Variants in SLC6A15 observed in about 807,000 individuals in gnomAD.
The protein encoded by SLC6A15 is sodium-dependent neutral amino acid transporter B(0)AT2.
A neutral mutation model predicts 68.5 loss-of-function variants in SLC6A15; 33 were observed. That is an observed-to-expected ratio of 0.48 (90% confidence interval 0.37 to 0.64). The LOEUF (loss-of-function observed/expected upper bound fraction) is 0.64, where lower values mean the gene tolerates loss of function less well. SLC6A15 is among the 30% of genes least tolerant of loss of function. SLC6A15 has a pLI of 0.00. For missense variants in SLC6A15, 747 were observed against 874.3 expected (o/e 0.85, Z 1.84); for synonymous variants, 347 against 301.0 (o/e 1.15, Z -1.58).
At chr12:84,906,456 C>CA (rs1383591768) in intron 1 of SLC6A15, among the ~76,000 whole-genome samples, 1 of 151,900 alleles carries the variant, frequency 6.6e-6, no homozygotes, top group Non-Finnish European at 1.5e-5. Context: ...TATGAACAGG[C>CA]AAAAAATTAG....
At position 84,863,535 on chromosome 12, in the gene SLC6A15, T is replaced by C; in HGVS notation, c.1722A>G (p.Lys574=). The change falls in exon 11 of 12, where the codon AAA becomes AAG. Residue 574 remains lysine (K), a synonymous_variant. Transcript: ENST00000266682. ...ATAATAGCATTAGAGGAGAAATATA[T>C]TTCCACATATAGTAGTAATATCTGC... ...APSRYYYYMW[K]YISPLMLLSL... The C allele has an allele frequency of 6.3e-7, 1 of 1,596,548 alleles. No individual in the cohort carries two copies. The highest frequency in any genetic ancestry group is 8.5e-7 in the Non-Finnish European group (1 of 1,173,760).
intron 1 of SLC6A15, among the ~76,000 whole-genome samples, chr12:84,902,031 T>C (rs560057423): frequency 2.6e-5 from 4 of 151,956 alleles, no homozygotes; most frequent in African/African-American, 7.2e-5. Context: ...GGTATAATTA[T>C]AGAGGAAAAA....
rs1221192282 is a variant in SLC6A15, at chr12:84,875,758, C to T, written c.867+739G>A. 3.7e-5 allele frequency among the ~76,000 whole-genome samples: 5 copies of T among 135,442 alleles called. 1 individual carries two copies. Among genetic ancestry groups the T allele is most frequent in the African/African-American group, 1.4e-4 (5 of 35,670 alleles). 88.9% of individuals were successfully genotyped at this position (135,442 alleles called of 152,430 possible). On this transcript the variant is annotated intron_variant, in intron 6 of 11. Transcript: ENST00000266682. ...ATAAGAAATTATGATTAAGCCCACA[C>T]TTATGATTAACCAGGTTAAGTGGGC... is the stretch of plus-strand genomic sequence containing the variant.
intron 2 of SLC6A15, 133 bp from the exon 3 acceptor site, chr12:84,886,201 A>G (rs1376034517): frequency 4.2e-6 from 2 of 480,430 alleles, no homozygotes; most frequent in Non-Finnish European, 6.9e-6. Context: ...AGAAGACACA[A>G]TTTCATTACT....
At chr12:84,877,978 G>A (rs1871634069) in intron 5 of SLC6A15, among the ~76,000 whole-genome samples, 1 of 152,140 alleles carries the variant, frequency 6.6e-6, no homozygotes, top group Non-Finnish European at 1.5e-5. Flanking sequence ...GGAATGGAAG[G>A]AGAATTGGAA....
intron 1 of SLC6A15, among the ~76,000 whole-genome samples, chr12:84,906,674 A>G (rs1273865225): frequency 6.6e-6 from 1 of 152,212 alleles, no homozygotes; most frequent in Non-Finnish European, 1.5e-5. Flanking sequence ...AGCAATTTCA[A>G]TGGAGAAAAA....
Position 84,892,158 on chromosome 12 carries a change from A to AAAAT in SLC6A15, c.-39_-38insATTT. 1 of 1,407,302 alleles carries AAAAT rather than the reference A, an allele frequency of 7.1e-7. No individual in the cohort carries two copies. Among genetic ancestry groups the AAAAT allele is most frequent in the Non-Finnish European group, 9.6e-7 (1 of 1,038,000 alleles). 87.2% of individuals were successfully genotyped at this position (1,407,302 alleles called of 1,614,324 possible). ...GAAGTATTTAAAAAAAAAAAAAAAA[A>AAAAT]CTCCCTTATGGCAAATGTGTTAACT... On this transcript the variant is annotated 5_prime_UTR_variant, in exon 2 of 12. Transcript: ENST00000266682.
intron 5 of SLC6A15, among the ~76,000 whole-genome samples, chr12:84,877,203 T>C (rs2120599669): frequency 6.6e-6 from 1 of 152,308 alleles, no homozygotes; most frequent in East Asian, 1.9e-4. Flanking sequence ...CATCTTCCTC[T>C]GGAGGCCTAA....
intron 5 of SLC6A15, chr12:84,881,895 C>G: frequency 1.0e-6 from 1 of 985,396 alleles, no homozygotes; most frequent in Non-Finnish European, 1.2e-6. Context: ...ACATTACCTA[C>G]AGCTAGCTTT....
intron 1 of SLC6A15, among the ~76,000 whole-genome samples, chr12:84,908,624 A>G (rs1332988062): frequency 7.0e-6 from 1 of 143,474 alleles, no homozygotes; most frequent in Non-Finnish European, 1.5e-5. Flanking sequence ...ATATATATAT[A>G]TATCTTCCTA....
In SLC6A15 at chr12:84,876,672, A is replaced by G. The variant is rs1871562617; in HGVS notation, c.757-65T>C. 6 of 721,838 alleles carry G rather than the reference A, an allele frequency of 8.3e-6. 1 individual carries two copies. Among genetic ancestry groups the G allele is most frequent in the South Asian group, 2.2e-5 (1 of 45,264 alleles). The allele number at this position is 721,838 out of a possible 1,614,324, so 44.7% of individuals were successfully genotyped here. A position where few individuals can be genotyped will look rare whatever the true frequency, so the allele number is the denominator to read the frequency against. ...ACCATTTTTTTATAGATAAGATTTT[A>G]TATGTTAGTTTCTGTACTTTGACAG... On this transcript the variant is annotated intron_variant, in intron 5 of 11. Transcript: ENST00000266682.
intron 4 of SLC6A15, 27 bp downstream of exon 4, chr12:84,885,408 C>T: frequency 1.3e-6 from 2 of 1,557,172 alleles, no homozygotes; most frequent in Non-Finnish European, 8.7e-7. Context: ...GCTTAAATAC[C>T]AAAACACTGT....
At chr12:84,866,401 T>C (rs1027924900) in intron 10 of SLC6A15, among the ~76,000 whole-genome samples, 3 of 152,176 alleles carry the variant, frequency 2.0e-5, no homozygotes, top group Admixed American at 2.0e-4. Context: ...AAATAGTGAA[T>C]TTATTCATTA....
intron 1 of SLC6A15, among the ~76,000 whole-genome samples, chr12:84,905,398 C>A (rs547939787): frequency 6.6e-6 from 1 of 152,262 alleles, no homozygotes; most frequent in South Asian, 2.1e-4. Context: ...CAGAAGGAAA[C>A]TTTCTCAACT....
intron 1 of SLC6A15, among the ~76,000 whole-genome samples, chr12:84,912,223 C>G (rs141774749): frequency 2.0e-5 from 3 of 152,104 alleles, no homozygotes; most frequent in African/African-American, 7.2e-5. Context: ...GCAATTTCCA[C>G]GACGGGAAGA....
At chr12:84,883,529 A>T (rs937630347) in intron 5 of SLC6A15, 1 of 1,293,042 alleles carries the variant, frequency 7.7e-7, no homozygotes, top group Non-Finnish European at 9.8e-7. Flanking sequence ...CCATAATTTA[A>T]CTAATTGGTA....
intron 5 of SLC6A15, chr12:84,881,705 T>G (rs767560984): frequency 2.8e-4 from 259 of 928,216 alleles, no homozygotes; most frequent in Non-Finnish European, 3.3e-4. Context: ...TTCCATGTGC[T>G]AGCCTTAAAC....
At chr12:84,900,054 G>A (rs1872791224) in intron 1 of SLC6A15, among the ~76,000 whole-genome samples, 1 of 152,102 alleles carries the variant, frequency 6.6e-6, no homozygotes, top group Admixed American at 6.5e-5. Context: ...GAATTACATT[G>A]ATTTCATTGA....
At chr12:84,901,066 A>ATG (rs768114535) in intron 1 of SLC6A15, among the ~76,000 whole-genome samples, 33 of 149,472 alleles carry the variant, frequency 2.2e-4, no homozygotes, top group South Asian at 2.1e-4. Context: ...GTATACGTAT[A>ATG]TGTGTGTGTG....
Sources: allele counts gnomAD v4.1 joint callset (sites outside exome capture counted in the v4.1 genomes callset), GRCh38; gene constraint gnomAD v4.1.1; transcripts MANE v1.5; gene names NCBI Gene and HGNC (gene_info 2026-07-23, HGNC 2026-07-21).